SLCO1A2: variants seen among roughly 807,000 people sequenced by gnomAD.
SLCO1A2 encodes OATP-1.
SLCO1A2 carries 67 observed loss-of-function variants against 69.0 expected under a neutral mutation model. The ratio of observed to expected loss-of-function variants is 0.97; its 90% CI spans 0.80 to 1.19. The LOEUF (loss-of-function observed/expected upper bound fraction) is 1.19, where lower values mean the gene tolerates loss of function less well. SLCO1A2 is among the 50% of genes most tolerant of loss of function. The probability of loss-of-function intolerance (pLI) is 0.00; values close to 1 mark genes in which losing one functional copy is unlikely to be tolerated. For synonymous variants in SLCO1A2, 260 were observed against 265.9 expected (o/e 0.98, Z 0.22); for missense variants, 787 against 793.7 (o/e 0.99, Z 0.10).
In SLCO1A2 at chr12:21,390,591, A is replaced by G. The variant is rs538444287; in HGVS notation, c.-190+4315T>C. Among the ~76,000 whole-genome samples, 3 of 152,064 alleles carry G rather than the reference A, an allele frequency of 2.0e-5. No homozygotes were observed. The East Asian group carries it at 5.8e-4, about 29-fold the overall frequency. On this transcript the variant is annotated intron_variant, in intron 1 of 15. Transcript: ENST00000307378. ...CATTTACATCATATACTGTACTTGGATGACATTTTGGAACACCCAAGCTGC... is the reference window on the plus strand; with the variant it reads ...CATTTACATCATATACTGTACTTGGGTGACATTTTGGAACACCCAAGCTGC...
At chr12:21,313,982 TA>T (rs71043263) in intron 4 of SLCO1A2, among the ~76,000 whole-genome samples, 19,103 of 136,402 alleles carry the variant, frequency 0.14, 2,460 homozygotes, top group African/African-American at 0.35. Context: ...TAATAAATAA[TA>T]AAAAAAAAAA....
At position 21,318,783 on chromosome 12, in the gene SLCO1A2, A is replaced by G; in HGVS notation, c.201T>C (p.Ile67=). The change falls in exon 3 of 15, where the codon ATT becomes ATC. Residue 67 remains isoleucine (I), a splice_region_variant and synonymous_variant. Coordinates refer to ENST00000683939, the MANE Select transcript of SLCO1A2 (RefSeq NM_001386879.1). ...AGAAATGCAAAAATAATTCATTACCAATCTCAAAGCTTCCATTAATGAATC... is the reference window on the plus strand; with the variant it reads ...AGAAATGCAAAAATAATTCATTACCGATCTCAAAGCTTCCATTAATGAATC... ...LVGFINGSFE[I]GNLLLIIFVS... is the part of the protein sequence containing the mutation. 11 of 1,593,056 alleles carry G rather than the reference A, an allele frequency of 6.9e-6. No homozygotes were observed. The highest frequency in any genetic ancestry group is 9.4e-6 in the Non-Finnish European group (11 of 1,174,094).
intron 14 of SLCO1A2, among the ~76,000 whole-genome samples, chr12:21,271,103 T>C (rs1185636730): frequency 6.6e-6 from 1 of 151,852 alleles, no homozygotes; most frequent in Non-Finnish European, 1.5e-5. Context: ...TTAACTACTC[T>C]ACTTGTAAAT....
At chr12:21,405,463 T>C (rs1019385611) in intron 1 of SLCO1A2, among the ~76,000 whole-genome samples, 1 of 152,066 alleles carries the variant, frequency 6.6e-6, no homozygotes. Context: ...TAGACACATA[T>C]AGCCAAGATA....
At chr12:21,324,178 C>G (rs1952003063) in intron 2 of SLCO1A2, among the ~76,000 whole-genome samples, 3 of 152,178 alleles carry the variant, frequency 2.0e-5, no homozygotes, top group South Asian at 4.1e-4. Context: ...AATCCGCTAT[C>G]TCTTTAGAGG....
intron 2 of SLCO1A2, among the ~76,000 whole-genome samples, chr12:21,345,962 G>A (rs192429318): frequency 7.6e-4 from 116 of 151,700 alleles, no homozygotes; most frequent in African/African-American, 2.7e-3. Context: ...TAATATAGTC[G>A]AGTATAAATA....
At chr12:21,295,162 T>C (rs1947512301) in intron 10 of SLCO1A2, 2 of 152,796 alleles carry the variant, frequency 1.3e-5, no homozygotes, top group African/African-American at 4.8e-5. Context: ...TGTATTATGA[T>C]TTAGTTATGC....
chr12:21,342,635 T>C (rs571862477), intron 2 of SLCO1A2, among the ~76,000 whole-genome samples: 1 of 152,178 alleles, frequency 6.6e-6, no homozygotes, highest in South Asian at 2.1e-4. Context: ...TAGCACGATA[T>C]ATAAGACAAA....
At chr12:21,389,854 T>C (rs1348484693) in intron 1 of SLCO1A2, among the ~76,000 whole-genome samples, 2 of 151,052 alleles carry the variant, frequency 1.3e-5, no homozygotes, top group Non-Finnish European at 3.0e-5. Flanking sequence ...ATCTGGTTTC[T>C]TCTTCAAAAT....
intron 4 of SLCO1A2, among the ~76,000 whole-genome samples, chr12:21,311,271 G>T (rs903332884): frequency 6.6e-6 from 1 of 152,044 alleles, no homozygotes; most frequent in Non-Finnish European, 1.5e-5. Flanking sequence ...ACCCCTCAGG[G>T]TTATCTAAGA....
chr12:21,416,356 GCACACACA>G (rs3061424), intron 1 of SLCO1A2, among the ~76,000 whole-genome samples: 1 of 146,886 alleles, frequency 6.8e-6, no homozygotes, highest in Non-Finnish European at 1.5e-5. Flanking sequence ...AGAATCTCGG[GCACACACA>G]CACACACACA....
intron 13 of SLCO1A2, 57 bp from the exon 14 acceptor site, chr12:21,274,643 T>C: frequency 1.8e-6 from 2 of 1,124,934 alleles, no homozygotes; most frequent in East Asian, 2.4e-5. Flanking sequence ...CTTGATTTAT[T>C]TGGAAATATT....
intron 14 of SLCO1A2, among the ~76,000 whole-genome samples, chr12:21,271,922 T>G (rs964947423): frequency 6.6e-6 from 1 of 150,588 alleles, no homozygotes; most frequent in Non-Finnish European, 1.5e-5. Flanking sequence ...AAAAATCCCT[T>G]TGATTACTGG....
chr12:21,380,997 G>A (rs1194287846), intron 1 of SLCO1A2, among the ~76,000 whole-genome samples: 2 of 151,854 alleles, frequency 1.3e-5, no homozygotes, highest in East Asian at 1.9e-4. Context: ...GAGAAAGGTA[G>A]ACTCCCAATA....
At position 21,333,940 on chromosome 12, in the gene SLCO1A2, A is replaced by C. The variant is rs2136956348; in HGVS notation, c.60+648T>G. ...GGAAAACAAACTTCTGATAGGGAGA[A>C]AATGAGTGACAGTGTCTTAGTTTTG... On this transcript the variant is annotated intron_variant, in intron 2 of 14. Coordinates refer to ENST00000683939, the MANE Select transcript of SLCO1A2 (RefSeq NM_001386879.1). 1.3e-5 allele frequency among the ~76,000 whole-genome samples: 2 copies of C among 152,216 alleles called. 1 individual carries two copies. The highest frequency in any genetic ancestry group is 6.8e-3 in the Middle Eastern group (2 of 294).
At chr12:21,396,348 G>C (rs1310576506), upstream of SLCO1A2, among the ~76,000 whole-genome samples, 8 of 150,064 alleles carry the variant, frequency 5.3e-5, no homozygotes, top group East Asian at 1.6e-3. Context: ...AATGAGCAAA[G>C]CCTCCAAGAA....
chr12:21,296,149 C>G (rs1452591298), intron 9 of SLCO1A2, among the ~76,000 whole-genome samples: 1 of 152,136 alleles, frequency 6.6e-6, no homozygotes, highest in East Asian at 1.9e-4. Flanking sequence ...ATTTATTACC[C>G]TCTATTCTGT....
rs1475278972 is a variant in SLCO1A2, at chr12:21,265,552, T to C, written c.*3996A>G. The C allele has an allele frequency of 6.6e-6, 1 of 152,228 alleles. No individual in the cohort carries two copies. Among genetic ancestry groups the C allele is most frequent in the East Asian group, 1.9e-4 (1 of 5,184 alleles). 9.4% of individuals were successfully genotyped at this position (152,228 alleles called of 1,614,324 possible). A position where few individuals can be genotyped will look rare whatever the true frequency, so the allele number is the denominator to read the frequency against. On this transcript the variant is annotated 3_prime_UTR_variant, in exon 15 of 15. Transcript: ENST00000683939. ...AAGTTTGTTCCTCCAACCTAGAAAC[T>C]TTTAAACACTGGTGTAGTTTCTCCA... is the stretch of plus-strand genomic sequence containing the variant.
intron 12 of SLCO1A2, among the ~76,000 whole-genome samples, chr12:21,288,181 C>T (rs1357279704): frequency 6.6e-6 from 1 of 152,084 alleles, no homozygotes; most frequent in African/African-American, 2.4e-5. Context: ...ATAGCTCATG[C>T]CTGTAATCCC....
Sources: allele counts gnomAD v4.1 joint callset (sites outside exome capture counted in the v4.1 genomes callset), GRCh38; gene constraint gnomAD v4.1.1; transcripts MANE v1.5; gene names NCBI Gene and HGNC (gene_info 2026-07-23, HGNC 2026-07-21).